The following STRA6 variants were observed in gnomAD, a reference collection of about 807,000 sequenced individuals.
The protein encoded by STRA6 is signaling receptor and transporter of retinol STRA6.
In STRA6, 48 loss-of-function variants were observed where a neutral mutation model predicts 83.6. That is an observed-to-expected ratio of 0.57 (90% CI 0.46 to 0.73). The LOEUF (loss-of-function observed/expected upper bound fraction) is 0.73, where lower values mean the gene tolerates loss of function less well. Ranked by LOEUF, STRA6 falls within the 30% of genes least tolerant of loss-of-function variation. STRA6 has a pLI of 0.00. For missense variants in STRA6, 760 were observed against 838.8 expected, an observed-to-expected ratio of 0.91 and a Z score of 1.16; for synonymous variants, 353 against 362.3, an observed-to-expected ratio of 0.97 and a Z score of 0.29.
At chr15:74,207,781 C>G (rs1200923873), upstream of STRA6, 9 of 1,535,688 alleles carry the variant, frequency 5.9e-6, no homozygotes, top group Non-Finnish European at 7.0e-6. Context: ...TGGGGTGTGC[C>G]CTCAGTGGCA....
At position 74,182,325 on chromosome 15, in the gene STRA6, A is replaced by C. The variant is rs2073034363; in HGVS notation, c.1418+18T>G. ...CCTCTAAGGAGTCCCTGAGCCCTCC[A>C]TGTCTTGTTTCACTCACCACGAGGA... is the stretch of plus-strand genomic sequence containing the variant. On this transcript the variant is annotated intron_variant, in intron 15 of 18. Coordinates refer to ENST00000395105, the MANE Select transcript of STRA6 (RefSeq NM_022369.4). The C allele has an allele frequency of 6.2e-7, 1 of 1,613,926 alleles. No individual in the cohort carries two copies. Among genetic ancestry groups the C allele is most frequent in the Admixed American group, 1.7e-5 (1 of 60,016 alleles).
At chr15:74,207,365 C>T (rs893309102), upstream of STRA6, among the ~76,000 whole-genome samples, 1 of 152,168 alleles carries the variant, frequency 6.6e-6, no homozygotes, top group Non-Finnish European at 1.5e-5. Flanking sequence ...AGAAGCCCTG[C>T]AACCTCAGTA....
At chr15:74,181,690 C>G (rs917342827) in intron 16 of STRA6, among the ~76,000 whole-genome samples, 1 of 152,204 alleles carries the variant, frequency 6.6e-6, no homozygotes, top group African/African-American at 2.4e-5. Context: ...AGGCTGTCAG[C>G]TATTCAGTGG....
rs752493250 is a variant in STRA6 at position 74,188,043 on chromosome 15, C to T, written c.1090+1072G>A. ...TGGGAGAGGACATTTTCAGCTCACC[C>T]GGAACTTGTCACCTGTCCAGTTTGT... is the stretch of plus-strand genomic sequence containing the variant. On this transcript the variant is annotated intron_variant, in intron 12 of 18. Coordinates refer to ENST00000395105, the MANE Select transcript of STRA6 (RefSeq NM_022369.4). This position sits in a 1 kb window ranked among gnomAD's most constrained non-coding sequence, Gnocchi z 4.5. Among the ~76,000 whole-genome samples, 2 of 152,176 alleles carry T rather than the reference C, an allele frequency of 1.3e-5. No individual in the cohort carries two copies. Among genetic ancestry groups the T allele is most frequent in the South Asian group, 2.1e-4 (1 of 4,828 alleles).
At chr15:74,201,456 C>A (rs1274573659) in intron 2 of STRA6, among the ~76,000 whole-genome samples, 1 of 152,146 alleles carries the variant, frequency 6.6e-6, no homozygotes, top group Non-Finnish European at 1.5e-5. Context: ...AGAAGGGGCC[C>A]AGCTCCTCCA....
chr15:74,191,008 C>T (rs2073503696), intron 10 of STRA6, 107 bp from the exon 11 acceptor site: 1 of 1,579,362 alleles, frequency 6.3e-7, no homozygotes, highest in African/African-American at 1.4e-5. Context: ...CCTAAATGAC[C>T]AAGGCCAGGC....
At chr15:74,187,217 C>G (rs1043098440) in intron 12 of STRA6, among the ~76,000 whole-genome samples, 3 of 152,210 alleles carry the variant, frequency 2.0e-5, no homozygotes, top group African/African-American at 7.2e-5. Context: ...TGATCTCCAT[C>G]CATCTACCTC....
intron 8 of STRA6, among the ~76,000 whole-genome samples, chr15:74,192,614 C>T (rs1045655486): frequency 7.2e-5 from 11 of 152,186 alleles, no homozygotes; most frequent in Admixed American, 6.5e-4. Flanking sequence ...CCAGGAGCAC[C>T]TGCTCCTCCC....
At chr15:74,201,138 C>T (rs2074038921) in intron 2 of STRA6, among the ~76,000 whole-genome samples, 1 of 152,212 alleles carries the variant, frequency 6.6e-6, no homozygotes, top group Admixed American at 6.5e-5. Flanking sequence ...CTGAGTCCTC[C>T]AAACAACAGC....
In STRA6 at chr15:74,202,225, T is replaced by A. The variant is rs1271810266; in HGVS notation, c.43A>T (p.Thr15Ser). The A allele has an allele frequency of 7.2e-6, 11 of 1,535,892 alleles. No homozygotes were observed. The highest frequency in any genetic ancestry group is 9.6e-6 in the Non-Finnish European group (11 of 1,147,134). ...CAGCTGCCATAGGAGTAGTCCTCTGTGGCCCCGGGGGAGGTCTGGTTCCCT... is the reference window on the plus strand; with the variant it reads ...CAGCTGCCATAGGAGTAGTCCTCTGAGGCCCCGGGGGAGGTCTGGTTCCCT... ...PAGNQTSPGA[T>S]EDYSYGSWYI... The change falls in exon 2 of 19, where the codon ACA becomes TCA. Residue 15 changes from threonine (T) to serine (S), a missense_variant. Physicochemically the swap from Thr to Ser is moderately conservative, Grantham distance 58 (BLOSUM62 1). Coordinates refer to ENST00000395105, the MANE Select transcript of STRA6 (RefSeq NM_022369.4).
upstream of STRA6, among the ~76,000 whole-genome samples, chr15:74,204,145 C>T (rs2074198439): frequency 6.6e-6 from 1 of 152,242 alleles, no homozygotes; most frequent in African/African-American, 2.4e-5. Flanking sequence ...CATCTGCTGA[C>T]TCAGAGCTGA....
upstream of STRA6, among the ~76,000 whole-genome samples, chr15:74,206,344 AC>A (rs548211593): frequency 4.7e-4 from 72 of 152,042 alleles, no homozygotes; most frequent in Non-Finnish European, 7.6e-4. Context: ...AGCCCAAGGT[AC>A]CTCCTCAGCT....
chr15:74,185,679 A>C (rs2073211101), intron 12 of STRA6, among the ~76,000 whole-genome samples: 1 of 152,234 alleles, frequency 6.6e-6, no homozygotes, highest in Non-Finnish European at 1.5e-5. Flanking sequence ...TGGGTGTTTA[A>C]GAATTTCAGG....
intron 13 of STRA6, among the ~76,000 whole-genome samples, chr15:74,184,492 G>A (rs1334317787): frequency 3.9e-5 from 6 of 152,150 alleles, no homozygotes; most frequent in South Asian, 4.1e-4. Flanking sequence ...ACCACTCACC[G>A]CTGCAGGGCA....
chr15:74,198,188 C>A (rs35917667), intron 2 of STRA6, among the ~76,000 whole-genome samples: 23,816 of 151,704 alleles, frequency 0.16, 2,454 homozygotes, highest in Non-Finnish European at 0.23. Context: ...CTTACTGCAG[C>A]CTCAGCCTCC....
intron 2 of STRA6, 39 bp from the exon 3 acceptor site, chr15:74,197,857 G>T: frequency 6.2e-7 from 1 of 1,605,388 alleles, no homozygotes; most frequent in Non-Finnish European, 8.5e-7. Flanking sequence ...CCTGCGTCAG[G>T]CCCCCCTGGG....
chr15:74,211,393 C>CT (rs34963230), upstream of STRA6, among the ~76,000 whole-genome samples: 6,526 of 73,782 alleles, frequency 0.088, 368 homozygotes, highest in East Asian at 0.16. Context: ...CTGCCCCTGG[C>CT]TTTTTTTTTT....
chr15:74,208,483 C>T (rs993018590), intron 1 of STRA6, among the ~76,000 whole-genome samples: 13 of 152,178 alleles, frequency 8.5e-5, no homozygotes, highest in African/African-American at 2.7e-4. Context: ...CTTCTCTCTC[C>T]TTGTTCCCTT....
chr15:74,185,258 A>G lies in STRA6; in HGVS notation c.1091-203T>C, dbSNP rs150379000. Among the ~76,000 whole-genome samples, 7 of 152,330 alleles carry G rather than the reference A, an allele frequency of 4.6e-5. No homozygotes were observed. In the East Asian group the frequency reaches 1.4e-3, roughly 29 times the overall value. ...CGGCCACCCCATTCTTCCCAGTGAC[A>G]TACAGTGGTCAAGAGATGAAACCAG... On this transcript the variant is annotated intron_variant, in intron 12 of 18. Coordinates refer to ENST00000395105, the MANE Select transcript of STRA6 (RefSeq NM_022369.4).
Sources: allele counts gnomAD v4.1 joint callset (sites outside exome capture counted in the v4.1 genomes callset), GRCh38; gene constraint gnomAD v4.1.1; non-coding constraint Gnocchi (gnomAD v3.1); transcripts MANE v1.5; gene names NCBI Gene and HGNC (gene_info 2026-07-23, HGNC 2026-07-21).